SLC16A9: variants seen among roughly 807,000 people sequenced by gnomAD.
SLC16A9 encodes monocarboxylate transporter 9.
In SLC16A9, 26 loss-of-function variants were observed where a neutral mutation model predicts 44.3. That is an observed-to-expected ratio of 0.59 (90% CI 0.43 to 0.81). The LOEUF (loss-of-function observed/expected upper bound fraction) is 0.81. SLC16A9 is among the 40% of genes least tolerant of loss of function. SLC16A9 has a pLI of 0.00. For synonymous variants in SLC16A9, 230 were observed against 225.1 expected, an observed-to-expected ratio of 1.02 and a Z score of -0.19; for missense variants, 559 against 595.8, an observed-to-expected ratio of 0.94 and a Z score of 0.64.
At chr10:59,677,835 A>T (rs1302392142) in intron 2 of SLC16A9, among the ~76,000 whole-genome samples, 1 of 151,986 alleles carries the variant, frequency 6.6e-6, no homozygotes, top group East Asian at 1.9e-4. Flanking sequence ...AAATAAACTC[A>T]ACCTCCACGC....
intron 2 of SLC16A9, among the ~76,000 whole-genome samples, chr10:59,677,721 G>A (rs988143101): frequency 1.3e-5 from 2 of 152,038 alleles, no homozygotes; most frequent in Admixed American, 1.3e-4. Context: ...GTCAACAAAA[G>A]GGATGAACAT....
intron 1 of SLC16A9, among the ~76,000 whole-genome samples, chr10:59,702,432 A>G (rs1840545079): frequency 6.6e-6 from 1 of 152,198 alleles, no homozygotes; most frequent in Admixed American, 6.5e-5. Flanking sequence ...CTGACTCATT[A>G]CTGGGGCTAG....
intron 1 of SLC16A9, among the ~76,000 whole-genome samples, chr10:59,696,832 C>T (rs1474295159): frequency 6.6e-6 from 1 of 151,454 alleles, no homozygotes; most frequent in Non-Finnish European, 1.5e-5. Flanking sequence ...GCCCGGCAGC[C>T]ACACCGTCTG....
At chr10:59,677,573 G>A (rs1318206568) in intron 2 of SLC16A9, among the ~76,000 whole-genome samples, 1 of 151,984 alleles carries the variant, frequency 6.6e-6, no homozygotes, top group South Asian at 2.1e-4. Context: ...AAACAAACTC[G>A]CATCAAGGTT....
chr10:59,694,196 C>A (rs945064099), intron 1 of SLC16A9, among the ~76,000 whole-genome samples: 15 of 152,278 alleles, frequency 9.9e-5, no homozygotes, highest in African/African-American at 3.6e-4. Context: ...GCCTCGGCCT[C>A]CCAAAGTGCT....
chr10:59,696,213 C>T (rs936003278), intron 1 of SLC16A9, among the ~76,000 whole-genome samples: 7 of 152,230 alleles, frequency 4.6e-5, no homozygotes, highest in African/African-American at 1.4e-4. Flanking sequence ...GCCTGATTCT[C>T]CTGCCTCAGC....
At chr10:59,707,103 T>C (rs1840656497) in intron 1 of SLC16A9, among the ~76,000 whole-genome samples, 1 of 149,098 alleles carries the variant, frequency 6.7e-6, no homozygotes, top group Non-Finnish European at 1.5e-5. Flanking sequence ...ACACAGAAAT[T>C]ACCTGGGTGT....
At chr10:59,675,214 G>T (rs1263498253) in intron 2 of SLC16A9, among the ~76,000 whole-genome samples, 3 of 152,142 alleles carry the variant, frequency 2.0e-5, no homozygotes, top group Admixed American at 6.5e-5. Context: ...GGTGAAACTG[G>T]AACTCAGAAA....
rs113916945 is a variant in SLC16A9, at chr10:59,669,642, C to T, written c.340+3128G>A. Among the ~76,000 whole-genome samples the T allele has an allele frequency of 9.5e-3, 1,446 of 152,236 alleles. 22 individuals are homozygous for T. The highest frequency in any genetic ancestry group is 0.033 in the African/African-American group (1,383 of 41,544). ...CCTGAGGTCAGGAGCTCAAGACCAG[C>T]CTGGCCAACATGGCAAAACCCTATC... On this transcript the variant is annotated intron_variant, in intron 3 of 5. Coordinates refer to ENST00000395348, the MANE Select transcript of SLC16A9 (RefSeq NM_194298.3).
intron 2 of SLC16A9, among the ~76,000 whole-genome samples, chr10:59,683,303 A>G (rs748832702): frequency 6.6e-6 from 1 of 152,194 alleles, no homozygotes; most frequent in Non-Finnish European, 1.5e-5. Context: ...GCAGAGTTCA[A>G]ACTATGACTC....
intron 1 of SLC16A9, among the ~76,000 whole-genome samples, chr10:59,688,409 T>A (rs11817293): frequency 6.6e-6 from 1 of 151,868 alleles, no homozygotes; most frequent in Non-Finnish European, 1.5e-5. Context: ...CTTTCAACAT[T>A]TAATGATCAA....
chr10:59,699,430 T>C (rs1003645296), intron 1 of SLC16A9, among the ~76,000 whole-genome samples: 14 of 152,180 alleles, frequency 9.2e-5, no homozygotes, highest in Non-Finnish European at 1.9e-4. Context: ...ACGTCTATTC[T>C]AGAAAATTTC....
At chr10:59,655,073 C>T in intron 4 of SLC16A9, among the ~76,000 whole-genome samples, 1 of 152,028 alleles carries the variant, frequency 6.6e-6, no homozygotes, top group East Asian at 1.9e-4. Flanking sequence ...GGGTGGATCA[C>T]GAGGTCAGGA....
chr10:59,707,815 T>C (rs1242190778), intron 1 of SLC16A9, among the ~76,000 whole-genome samples: 1 of 152,160 alleles, frequency 6.6e-6, no homozygotes, highest in Non-Finnish European at 1.5e-5. Flanking sequence ...TAGCTTGAGT[T>C]GCATGGCCAG....
intron 3 of SLC16A9, among the ~76,000 whole-genome samples, chr10:59,667,326 T>C (rs1839643419): frequency 6.6e-6 from 1 of 152,206 alleles, no homozygotes; most frequent in South Asian, 2.1e-4. Flanking sequence ...CTTCATATAC[T>C]TCAATCAAGA....
At chr10:59,706,720 C>T (rs1292423063) in intron 1 of SLC16A9, among the ~76,000 whole-genome samples, 2 of 152,014 alleles carry the variant, frequency 1.3e-5, no homozygotes, top group African/African-American at 4.8e-5. Flanking sequence ...CGCCTGTAAT[C>T]CCAGCACTTT....
chr10:59,693,341 T>C (rs1036512623), intron 1 of SLC16A9, among the ~76,000 whole-genome samples: 1 of 152,246 alleles, frequency 6.6e-6, no homozygotes, highest in African/African-American at 2.4e-5. Context: ...AGATCAATTT[T>C]GTCACTTTCC....
At chr10:59,693,957 A>C (rs1840310712) in intron 1 of SLC16A9, among the ~76,000 whole-genome samples, 1 of 144,366 alleles carries the variant, frequency 6.9e-6, no homozygotes, top group Non-Finnish European at 1.5e-5. Flanking sequence ...ATTTATTTTG[A>C]GATGGAGTCT....
chr10:59,681,535 ATGTG>A (rs1356859614), intron 2 of SLC16A9, among the ~76,000 whole-genome samples: 14 of 123,424 alleles, frequency 1.1e-4, no homozygotes, highest in African/African-American at 2.4e-4. Flanking sequence ...GTGTATGTGT[ATGTG>A]TATGTATATG....
Sources: allele counts gnomAD v4.1 joint callset (sites outside exome capture counted in the v4.1 genomes callset), GRCh38; gene constraint gnomAD v4.1.1; transcripts MANE v1.5; gene names NCBI Gene and HGNC (gene_info 2026-07-23, HGNC 2026-07-21).